Variants in NUP210L observed in about 807,000 individuals in gnomAD.
NUP210L encodes the protein nucleoporin 210 like, also known as nuclear pore membrane glycoprotein 210-like.
NUP210L carries 74 observed loss-of-function variants against 208.5 expected under a neutral mutation model. The observed-to-expected ratio is 0.35, with a 90% CI of 0.29 to 0.43. The LOEUF (loss-of-function observed/expected upper bound fraction) is 0.43, where lower values mean the gene tolerates loss of function less well. NUP210L is among the 20% of genes least tolerant of loss of function. NUP210L has a pLI of 1.00. For missense variants in NUP210L, 1,843 were observed against 2,289.4 expected (o/e 0.81, Z 3.98); for synonymous variants, 780 against 816.9 (o/e 0.95, Z 0.77).
intron 11 of NUP210L, among the ~76,000 whole-genome samples, 188 bp from the exon 12 acceptor site, chr1:154,118,068 G>A (rs1350582055): frequency 6.6e-6 from 1 of 152,174 alleles, no homozygotes; most frequent in East Asian, 1.9e-4. Flanking sequence ...CCAGCACTTT[G>A]GAAGGCCAAG....
chr1:154,063,954 T>C (rs187691012), intron 17 of NUP210L, among the ~76,000 whole-genome samples: 1 of 149,872 alleles, frequency 6.7e-6, no homozygotes, highest in Admixed American at 6.7e-5. Flanking sequence ...AGTACATATA[T>C]TATATATATG....
At chr1:154,056,775 C>G (rs1315537764) in intron 23 of NUP210L, 40 bp downstream of exon 23, 1 of 1,536,426 alleles carries the variant, frequency 6.5e-7, no homozygotes, top group Admixed American at 2.3e-5. Context: ...TGATGTTAAG[C>G]AAGAAAAAGT....
chr1:154,030,626 A>G (rs761417188), intron 27 of NUP210L, among the ~76,000 whole-genome samples: 5 of 151,996 alleles, frequency 3.3e-5, no homozygotes, highest in African/African-American at 1.2e-4. Context: ...GTAGGTATAC[A>G]TATTTATGGG....
At chr1:154,127,313 C>G (rs755596110) in exon 9 of NUP210L, 1 of 1,511,620 alleles carries the variant, frequency 6.6e-7, no homozygotes. Context: ...TGACTCACAT[C>G]TGAAATATAG....
chr1:154,110,739 G>A (rs568855548), intron 12 of NUP210L, among the ~76,000 whole-genome samples: 2 of 151,294 alleles, frequency 1.3e-5, no homozygotes, highest in Admixed American at 6.6e-5. Flanking sequence ...ATCAGCTGGC[G>A]TGGTGGTGTT....
At chr1:154,155,029 C>A (rs759668018) in exon 1 of NUP210L, 6 of 1,607,514 alleles carry the variant, frequency 3.7e-6, no homozygotes, top group Non-Finnish European at 5.1e-6. Context: ...CTTGATGACG[C>A]CGGACAGCCA....
rs773516646 is a variant in NUP210L, at chr1:154,094,953, G to A, written c.2169C>T (p.Cys723=). Residue 723 remains cysteine (C), a synonymous_variant, in exon 15 of 40, where the codon TGC becomes TGT. Coordinates refer to ENST00000368559, the Ensembl canonical transcript of NUP210L. ...TTCCTACTTGTTCCCCTAAATCCAGGCATTGGATCCGGTAGATGTACTGGT... is the reference window on the plus strand; with the variant it reads ...TTCCTACTTGTTCCCCTAAATCCAGACATTGGATCCGGTAGATGTACTGGT... The A allele has an allele frequency of 5.0e-5, 81 of 1,613,500 alleles. No homozygotes were observed. The East Asian group carries it at 1.8e-3, about 35-fold the overall frequency.
intron 25 of NUP210L, among the ~76,000 whole-genome samples, chr1:154,048,370 C>A (rs1440876999): frequency 6.6e-6 from 1 of 152,082 alleles, no homozygotes; most frequent in Non-Finnish European, 1.5e-5. Context: ...TTAGGATACA[C>A]CCCCCAGATC....
At chr1:154,023,411 T>A in intron 30 of NUP210L, 114 bp from the exon 31 acceptor site, 1 of 805,312 alleles carries the variant, frequency 1.2e-6, no homozygotes, top group Non-Finnish European at 1.9e-6. Context: ...CCATAGGAAA[T>A]AGCTTTTGAT....
chr1:154,032,694 G>A (rs1652301585), intron 27 of NUP210L, among the ~76,000 whole-genome samples: 1 of 151,958 alleles, frequency 6.6e-6, no homozygotes, highest in African/African-American at 2.4e-5. Context: ...GAGGCAGGTG[G>A]ATCACCTGAG....
intron 20 of NUP210L, among the ~76,000 whole-genome samples, chr1:154,060,242 A>G (rs780715877): frequency 1.3e-5 from 2 of 152,180 alleles, no homozygotes; most frequent in Admixed American, 6.6e-5. Flanking sequence ...CTATCTCAAT[A>G]AATAAAGTCA....
chr1:154,093,852 A>G (rs1261125987), intron 15 of NUP210L, among the ~76,000 whole-genome samples: 2 of 152,048 alleles, frequency 1.3e-5, no homozygotes, highest in Non-Finnish European at 2.9e-5. Flanking sequence ...CAGTACCTCT[A>G]AAAATAATTA....
At position 154,009,779 on chromosome 1, in the gene NUP210L, C is replaced by T. The variant is rs542493223; in HGVS notation, c.4930+193G>A. ...TTCACTCCAGCCTTAGGCAACACAG[C>T]AAGACCCAGTCTCAAAAAAAAAAAA... On this transcript the variant is annotated intron_variant, in intron 35 of 39. Coordinates refer to ENST00000368559, the Ensembl canonical transcript of NUP210L. Among the ~76,000 whole-genome samples the T allele has an allele frequency of 3.1e-5, 4 of 129,216 alleles. No homozygotes were observed. In the East Asian group the frequency reaches 8.7e-4, roughly 28 times the overall value. The allele number at this position is 129,216 out of a possible 152,430, so 84.8% of individuals were successfully genotyped here. A position where few individuals can be genotyped will look rare whatever the true frequency, so the allele number is the denominator to read the frequency against.
chr1:154,007,776 A>G (rs1027535279), intron 35 of NUP210L, among the ~76,000 whole-genome samples: 3 of 149,542 alleles, frequency 2.0e-5, no homozygotes, highest in African/African-American at 7.4e-5. Context: ...GGGTTTCACC[A>G]TGTTAGCCAG....
intron 37 of NUP210L, among the ~76,000 whole-genome samples, chr1:153,995,467 C>CA (rs1470945418): frequency 1.1e-4 from 16 of 152,200 alleles, no homozygotes; most frequent in Admixed American, 9.8e-4. Context: ...GGCTCAACCG[C>CA]GTCTTTTTGA....
At position 154,061,682 on chromosome 1, in the gene NUP210L, C is replaced by A; in HGVS notation, c.2555-8G>T. The A allele has an allele frequency of 6.5e-7, 1 of 1,544,968 alleles. No individual in the cohort carries two copies. ...CTTTAAGGATCTGATGACCTGGAAA[C>A]ATGCAGAAAAATACCCTGTGAGAAA... On this transcript the variant is annotated splice_region_variant and splice_polypyrimidine_tract_variant and intron_variant, in intron 17 of 39. Coordinates refer to ENST00000368559, the Ensembl canonical transcript of NUP210L.
intron 25 of NUP210L, among the ~76,000 whole-genome samples, chr1:154,048,839 A>G (rs1653328319): frequency 1.3e-5 from 2 of 152,196 alleles, no homozygotes; most frequent in Admixed American, 1.3e-4. Flanking sequence ...GATTCATATT[A>G]CAGTGGGGAA....
At chr1:154,011,447 C>T (rs964201305) in intron 34 of NUP210L, among the ~76,000 whole-genome samples, 2 of 151,678 alleles carry the variant, frequency 1.3e-5, no homozygotes, top group African/African-American at 4.8e-5. Context: ...TGGTCTCGAA[C>T]TCCTGACCTC....
At chr1:154,055,247 C>T (rs1337343817) in intron 23 of NUP210L, among the ~76,000 whole-genome samples, 5 of 148,864 alleles carry the variant, frequency 3.4e-5, no homozygotes, top group Non-Finnish European at 7.4e-5. Context: ...CTTTGTCTCT[C>T]TCTCTCTCTC....
Sources: gnomAD v4.1 joint callset for allele counts (sites outside exome capture counted in the v4.1 genomes callset) on GRCh38, gnomAD v4.1.1 for gene constraint, MANE v1.5 for transcripts, NCBI Gene and HGNC (gene_info 2026-07-23, HGNC 2026-07-21) for gene names.